PPFIBP2: variants seen among roughly 807,000 people sequenced by gnomAD.
PPFIBP2 encodes liprin-beta-2.
Under a neutral mutation model 118.3 loss-of-function variants are expected in PPFIBP2, and 118 were observed. The observed-to-expected ratio is 1.00, with a 90% CI of 0.86 to 1.16. The LOEUF is 1.16. PPFIBP2 is among the 50% of genes most tolerant of loss of function. The probability of loss-of-function intolerance (pLI) is 0.00; values close to 1 mark genes in which losing one functional copy is unlikely to be tolerated. For missense variants in PPFIBP2, 1,195 were observed against 1,073.1 expected (o/e 1.11, Z -1.59); for synonymous variants, 414 against 397.4 (o/e 1.04, Z -0.50).
intron 2 of PPFIBP2, among the ~76,000 whole-genome samples, chr11:7,551,863 C>T (rs1853036648): frequency 6.6e-6 from 1 of 152,192 alleles, no homozygotes; most frequent in Non-Finnish European, 1.5e-5. Flanking sequence ...TGGCTGGATC[C>T]TTAAGGCCTT....
At chr11:7,617,243 GGCCGAGCCCCA>G in intron 6 of PPFIBP2, 1 of 985,428 alleles carries the variant, frequency 1.0e-6, no homozygotes, top group South Asian at 4.7e-5. Context: ...GCGACGGTGT[GGCCGAGCCCCA>G]GCCCTGCAGC....
intron 10 of PPFIBP2, among the ~76,000 whole-genome samples, chr11:7,630,303 A>T (rs1361071919): frequency 6.6e-6 from 1 of 152,150 alleles, no homozygotes. Context: ...CAGCCCTCAC[A>T]CACAGCCCTC....
chr11:7,520,101 C>T lies in PPFIBP2; in HGVS notation c.-37+5980C>T, dbSNP rs138820685. Reference sequence around the variant, plus strand: ...CTTGTATTGGTTCAAACCCTGAGAGCGCTCCAACAGACAACACGAGGCGGT... The same window carrying T: ...CTTGTATTGGTTCAAACCCTGAGAGTGCTCCAACAGACAACACGAGGCGGT... On this transcript the variant is annotated intron_variant, in intron 1 of 23. Transcript: ENST00000299492. Among the ~76,000 whole-genome samples, 697 of 152,292 alleles carry T rather than the reference C, an allele frequency of 4.6e-3. 4 individuals are homozygous for T. The highest frequency in any genetic ancestry group is 0.016 in the African/African-American group (651 of 41,560).
intron 3 of PPFIBP2, among the ~76,000 whole-genome samples, chr11:7,592,384 C>T (rs1352443023): frequency 6.6e-6 from 1 of 152,160 alleles, no homozygotes; most frequent in Non-Finnish European, 1.5e-5. Context: ...TCCCTTTCCT[C>T]TCTTTTCTAT....
At chr11:7,615,799 G>A (rs748810966) in intron 6 of PPFIBP2, among the ~76,000 whole-genome samples, 5 of 152,198 alleles carry the variant, frequency 3.3e-5, no homozygotes, top group Non-Finnish European at 7.3e-5. Context: ...ACGAGAGTGA[G>A]CATGGAAAAA....
intron 6 of PPFIBP2, among the ~76,000 whole-genome samples, chr11:7,613,095 T>C (rs540800710): frequency 6.6e-6 from 1 of 152,216 alleles, no homozygotes; most frequent in Non-Finnish European, 1.5e-5. Flanking sequence ...GGATTCTTTT[T>C]TTTTTCCCCC....
intron 7 of PPFIBP2, among the ~76,000 whole-genome samples, chr11:7,623,157 T>G (rs952668614): frequency 6.6e-6 from 1 of 152,208 alleles, no homozygotes; most frequent in African/African-American, 2.4e-5. Context: ...TCATCCTGAT[T>G]CCCTGCAGAG....
chr11:7,621,526 C>A (rs1299440147), intron 7 of PPFIBP2, among the ~76,000 whole-genome samples: 1 of 152,176 alleles, frequency 6.6e-6, no homozygotes, highest in Non-Finnish European at 1.5e-5. Context: ...AGGGAGCCTG[C>A]AATTTAAAGG....
intron 2 of PPFIBP2, among the ~76,000 whole-genome samples, chr11:7,565,170 C>G (rs1854813471): frequency 6.6e-6 from 1 of 152,150 alleles, no homozygotes; most frequent in Non-Finnish European, 1.5e-5. Flanking sequence ...CCTCTGTATG[C>G]CTATTTTTAC....
intron 1 of PPFIBP2, among the ~76,000 whole-genome samples, chr11:7,545,795 A>T: frequency 6.6e-6 from 1 of 152,206 alleles, no homozygotes; most frequent in East Asian, 1.9e-4. Context: ...GCTTTATGCT[A>T]ATGAGGCCAC....
chr11:7,642,043 C>T, intron 16 of PPFIBP2: 1 of 448,588 alleles, frequency 2.2e-6, no homozygotes. Flanking sequence ...AAACTGGGGC[C>T]TCCTACAAGG....
intron 14 of PPFIBP2, among the ~76,000 whole-genome samples, chr11:7,638,992 G>C (rs534341614): frequency 2.6e-5 from 4 of 152,118 alleles, no homozygotes; most frequent in Admixed American, 6.5e-5. Context: ...CTCCCCCAAG[G>C]GTGTGTGTGT....
chr11:7,576,799 A>G (rs1856393348), intron 3 of PPFIBP2: 1 of 152,318 alleles, frequency 6.6e-6, no homozygotes. Flanking sequence ...AAGGACAGCA[A>G]ACGCTCTGTG....
intron 6 of PPFIBP2, among the ~76,000 whole-genome samples, chr11:7,611,201 T>C (rs542712725): frequency 3.9e-4 from 59 of 152,362 alleles, no homozygotes; most frequent in African/African-American, 1.3e-3. Flanking sequence ...AACTTCAAGC[T>C]GGCTACTTAA....
downstream of PPFIBP2, among the ~76,000 whole-genome samples, chr11:7,661,634 G>C (rs1239908299): frequency 9.8e-6 from 1 of 101,524 alleles, no homozygotes; most frequent in East Asian, 2.1e-4. Context: ...CTTGATTTGG[G>C]GTGGAGAGTT....
chr11:7,626,136 G>C, intron 8 of PPFIBP2, among the ~76,000 whole-genome samples: 1 of 152,136 alleles, frequency 6.6e-6, no homozygotes, highest in Non-Finnish European at 1.5e-5. Context: ...CTAACTAGAA[G>C]GTTTTTCTCA....
rs139893635 is a variant in PPFIBP2, at chr11:7,607,884, A to G, written c.487-2407A>G. On this transcript the variant is annotated intron_variant, in intron 5 of 23. Coordinates refer to ENST00000299492, the MANE Select transcript of PPFIBP2 (RefSeq NM_003621.5). ...ATTTATTTTTTAATTTGAAATATCT[A>G]TTTTGCAAACTGCCTAAACACATTT... 5.0e-3 allele frequency among the ~76,000 whole-genome samples: 765 copies of G among 152,338 alleles called. 5 individuals are homozygous for G. Among genetic ancestry groups the G allele is most frequent in the African/African-American group, 0.018 (729 of 41,562 alleles).
chr11:7,653,596 G>A lies in PPFIBP2; in HGVS notation c.*378G>A. On this transcript the variant is annotated 3_prime_UTR_variant, in exon 24 of 24. Coordinates refer to ENST00000299492, the MANE Select transcript of PPFIBP2 (RefSeq NM_003621.5). ...CAGGCACCCCCTACACTTCAGTTGA[G>A]GGAAAAGCTCAAGTGCCTTAGGCCC... 7.7e-7 allele frequency: 1 copy of A among 1,300,694 alleles called. No individual in the cohort carries two copies. The highest frequency in any genetic ancestry group is 1.0e-6 in the Non-Finnish European group (1 of 996,746). The allele number at this position is 1,300,694 out of a possible 1,614,324, so 80.6% of individuals were successfully genotyped here. A position where few individuals can be genotyped will look rare whatever the true frequency, so the allele number is the denominator to read the frequency against.
chr11:7,609,251 G>C (rs1253366131), intron 5 of PPFIBP2, among the ~76,000 whole-genome samples: 1 of 152,134 alleles, frequency 6.6e-6, no homozygotes, highest in Non-Finnish European at 1.5e-5. Context: ...TGCTGAGCTT[G>C]GGTTGCCCAA....
Sources: gnomAD v4.1 joint callset for allele counts (sites outside exome capture counted in the v4.1 genomes callset) on GRCh38, gnomAD v4.1.1 for gene constraint, MANE v1.5 for transcripts, NCBI Gene and HGNC (gene_info 2026-07-23, HGNC 2026-07-21) for gene names.